The following LINGO2 variants were observed in gnomAD, a reference collection of about 807,000 sequenced individuals.
LINGO2 encodes the protein leucine rich repeat and Ig domain containing 2.
LINGO2 carries 14 observed loss-of-function variants against 30.6 expected under a neutral mutation model. That is an observed-to-expected ratio of 0.46 (90% CI 0.30 to 0.72). LINGO2 has a LOEUF of 0.72. LINGO2 is among the 30% of genes least tolerant of loss of function. The pLI, the probability that LINGO2 is intolerant of heterozygous loss-of-function variation, is 0.07. For missense variants in LINGO2, 729 were observed against 751.7 expected, an observed-to-expected ratio of 0.97 and a Z score of 0.35; for synonymous variants, 317 against 288.5, an observed-to-expected ratio of 1.10 and a Z score of -1.00.
chr9:28,318,235 T>C (rs1824914414), intron 3 of LINGO2, among the ~76,000 whole-genome samples: 1 of 152,188 alleles, frequency 6.6e-6, no homozygotes. Flanking sequence ...TCACTGTTTC[T>C]ATAGAACTGA....
chr9:28,068,648 T>C (rs1426089459), intron 4 of LINGO2, among the ~76,000 whole-genome samples: 1 of 152,178 alleles, frequency 6.6e-6, no homozygotes, highest in Non-Finnish European at 1.5e-5. Flanking sequence ...TTTTCAAATA[T>C]ACCATACTTA....
At chr9:27,940,034 C>T in the LINGO2 span, 1 of 152,176 alleles carries the variant, frequency 6.6e-6, no homozygotes, top group Admixed American at 6.5e-5. Flanking sequence ...GTTTTCATTT[C>T]TGAGACCCTG....
At chr9:27,983,797 A>G (rs1281234005) in intron 5 of LINGO2, among the ~76,000 whole-genome samples, 3 of 151,980 alleles carry the variant, frequency 2.0e-5, no homozygotes, top group Admixed American at 2.0e-4. Flanking sequence ...TTTGTTTCAC[A>G]TACTTAAGTT....
intron 4 of LINGO2, among the ~76,000 whole-genome samples, chr9:28,123,922 T>A (rs1827168725): frequency 6.6e-6 from 1 of 152,132 alleles, no homozygotes; most frequent in Non-Finnish European, 1.5e-5. Flanking sequence ...CACCTTGGCC[T>A]CCCAAAGTGC....
chr9:28,034,029 C>A (rs1022274238), intron 4 of LINGO2, among the ~76,000 whole-genome samples: 1 of 152,174 alleles, frequency 6.6e-6, no homozygotes, highest in East Asian at 1.9e-4. Context: ...GATGCCTTAG[C>A]GAAGCTTCAT....
At chr9:28,231,437 T>A (rs1342987523) in intron 4 of LINGO2, among the ~76,000 whole-genome samples, 1 of 152,072 alleles carries the variant, frequency 6.6e-6, no homozygotes, top group Non-Finnish European at 1.5e-5. Flanking sequence ...TTATAAATAC[T>A]AAAGGATTCT....
intron 4 of LINGO2, among the ~76,000 whole-genome samples, chr9:28,063,011 C>G (rs966911319): frequency 3.3e-5 from 5 of 152,104 alleles, no homozygotes; most frequent in Non-Finnish European, 7.4e-5. Context: ...CTTACCCTAT[C>G]TTGCAAGGTT....
At chr9:28,785,275 G>T in the LINGO2 span, among the ~76,000 whole-genome samples, 1 of 152,222 alleles carries the variant, frequency 6.6e-6, no homozygotes, top group East Asian at 1.9e-4. Context: ...TAAACTCAAT[G>T]ACATCAAGGC....
chr9:28,259,528 A>C (rs546759777), intron 4 of LINGO2, among the ~76,000 whole-genome samples: 4 of 151,908 alleles, frequency 2.6e-5, no homozygotes, highest in African/African-American at 9.6e-5. Flanking sequence ...AGGAAACAGA[A>C]GGGAAGAAGG....
chr9:29,194,287 C>G, the LINGO2 span, among the ~76,000 whole-genome samples: 1 of 152,168 alleles, frequency 6.6e-6, no homozygotes, highest in Non-Finnish European at 1.5e-5. Context: ...TCCAAATAAA[C>G]AGATGAGCCA....
At chr9:28,879,297 A>T in the LINGO2 span, among the ~76,000 whole-genome samples, 1 of 152,150 alleles carries the variant, frequency 6.6e-6, no homozygotes, top group African/African-American at 2.4e-5. Flanking sequence ...CTAAAATGAC[A>T]TGTCCAAAGG....
chr9:28,433,955 A>C (rs62555197), intron 2 of LINGO2, among the ~76,000 whole-genome samples: 17,312 of 101,214 alleles, frequency 0.17, 1,985 homozygotes, highest in Non-Finnish European at 0.27. Context: ...CTCTCTATAT[A>C]TATATATATA....
the LINGO2 span, among the ~76,000 whole-genome samples, chr9:28,952,080 G>A: frequency 6.6e-6 from 1 of 151,978 alleles, no homozygotes; most frequent in African/African-American, 2.4e-5. Flanking sequence ...TAAGTGCGTG[G>A]ATGGAGAGCC....
intron 4 of LINGO2, among the ~76,000 whole-genome samples, chr9:28,227,044 T>C (rs1317962870): frequency 2.0e-5 from 3 of 152,084 alleles, no homozygotes; most frequent in Non-Finnish European, 2.9e-5. Context: ...ACCCATTGGA[T>C]TATTATGAAG....
chr9:28,129,682 T>G lies in LINGO2; in HGVS notation c.-86-117277A>C, dbSNP rs1158404009. 6.6e-6 allele frequency: 1 copy of G among 152,230 alleles called. No individual in the cohort carries two copies. Among genetic ancestry groups the G allele is most frequent in the African/African-American group, 2.4e-5 (1 of 41,450 alleles). 9.4% of individuals were successfully genotyped at this position (152,230 alleles called of 1,614,324 possible). On this transcript the variant is annotated intron_variant, in intron 4 of 5. Coordinates refer to ENST00000379992, the Ensembl canonical transcript of LINGO2. This position sits in a 1 kb window ranked among gnomAD's most constrained non-coding sequence, Gnocchi z 4.0. Reference sequence around the variant, plus strand: ...ATCTTTGAAAAATCCAAATTAGTTTTTATTAGTGGTCCCATTGTAAATTTG... The same window carrying G: ...ATCTTTGAAAAATCCAAATTAGTTTGTATTAGTGGTCCCATTGTAAATTTG...
At chr9:28,545,413 G>A (rs979324333) in intron 1 of LINGO2, among the ~76,000 whole-genome samples, 1 of 151,992 alleles carries the variant, frequency 6.6e-6, no homozygotes, top group African/African-American at 2.4e-5. Context: ...TATATCTGCT[G>A]GATGGTTACC....
the LINGO2 span, among the ~76,000 whole-genome samples, chr9:28,904,965 A>G: frequency 6.6e-6 from 1 of 152,164 alleles, no homozygotes; most frequent in Non-Finnish European, 1.5e-5. Context: ...GCCCAAAAAT[A>G]AATCCACGCA....
chr9:28,634,227 T>C (rs1487749197), intron 1 of LINGO2, among the ~76,000 whole-genome samples: 4 of 152,184 alleles, frequency 2.6e-5, no homozygotes, highest in Non-Finnish European at 5.9e-5. Flanking sequence ...CTGGTTTTCT[T>C]AAACTAGCTA....
At chr9:28,658,235 G>T (rs1323538750) in intron 1 of LINGO2, among the ~76,000 whole-genome samples, 1 of 152,018 alleles carries the variant, frequency 6.6e-6, no homozygotes, top group African/African-American at 2.4e-5. Flanking sequence ...GTTGGGCAGT[G>T]TTCTATATAT....
Sources: allele counts gnomAD v4.1 joint callset (sites outside exome capture counted in the v4.1 genomes callset), GRCh38; gene constraint gnomAD v4.1.1; non-coding constraint Gnocchi (gnomAD v3.1); transcripts MANE v1.5; gene names NCBI Gene and HGNC (gene_info 2026-07-23, HGNC 2026-07-21).